Variants in MTMR10 observed in about 807,000 individuals in gnomAD.
MTMR10 encodes myotubularin-related protein 10.
Under a neutral mutation model 88.1 loss-of-function variants are expected in MTMR10, and 56 were observed. That is an observed-to-expected ratio of 0.64 (90% CI 0.51 to 0.79). The LOEUF (loss-of-function observed/expected upper bound fraction) is 0.79, where lower values mean the gene tolerates loss of function less well. Ranked by LOEUF, MTMR10 falls within the 30% of genes least tolerant of loss-of-function variation. The pLI is 0.00. For missense variants in MTMR10, 883 were observed against 924.7 expected (o/e 0.95, Z 0.58); for synonymous variants, 380 against 340.9 (o/e 1.11, Z -1.26).
At chr15:30,934,394 GT>G (rs533713457), downstream of MTMR10, among the ~76,000 whole-genome samples, 7 of 152,280 alleles carry the variant, frequency 4.6e-5, 1 homozygote, top group South Asian at 1.2e-3. Context: ...TTAATGGGGT[GT>G]TTGGAACATT....
rs2063073189 is a variant in MTMR10, at chr15:30,942,044, A to T, written c.1760T>A (p.Met587Lys). Reference protein sequence around the residue: ...KKSYSSTLRGMPSALKNGIIS... With the variant: ...KKSYSSTLRGKPSALKNGIIS... ...GATTCCATTCTTTAAGGCAGACGGCATTCCTCTTAGTGTGGAGCTGTAGCT... is the reference window on the plus strand; with the variant it reads ...GATTCCATTCTTTAAGGCAGACGGCTTTCCTCTTAGTGTGGAGCTGTAGCT... The change falls in exon 16 of 16, where the codon ATG becomes AAG. Residue 587 changes from methionine to lysine, a missense_variant. This residue lies in a region of MTMR10 where 343 missense variants were observed against 323.2 expected (regional missense o/e 1.06). Transcript: ENST00000435680. 1.2e-6 allele frequency: 2 copies of T among 1,613,966 alleles called. No individual in the cohort carries two copies. Among genetic ancestry groups the T allele is most frequent in the East Asian group, 4.5e-5 (2 of 44,890 alleles).
In MTMR10 at chr15:30,943,068, A is replaced by C. The variant is rs2063106108; in HGVS notation, c.1553T>G (p.Phe518Cys). Residue 518 changes from phenylalanine (F) to cysteine (C), a missense_variant, in exon 15 of 16, where the codon TTT becomes TGT. By Grantham distance (205) the Phe-to-Cys change is radical (BLOSUM62 -2). Around this residue, in one of 3 missense-constraint regions of MTMR10, gnomAD observed 343 missense variants for 323.2 expected, o/e 1.06. Transcript: ENST00000435680. ...CAATTGGATGTTTTTGCTTATAGCA[A>C]ATTCCTGCAAAATAAATAAATAAAT... ...PHQRVKQSTE[F>C]AISKNIQLGD... is the part of the protein sequence containing the mutation. The C allele has an allele frequency of 6.6e-7, 1 of 1,526,408 alleles. No homozygotes were observed. The highest frequency in any genetic ancestry group is 8.8e-7 in the Non-Finnish European group (1 of 1,140,304). 94.6% of individuals were successfully genotyped at this position (1,526,408 alleles called of 1,614,324 possible). A position where few individuals can be genotyped will look rare whatever the true frequency, so the allele number is the denominator to read the frequency against.
chr15:30,990,193 T>C (rs2141080497), intron 2 of MTMR10, among the ~76,000 whole-genome samples: 1 of 152,118 alleles, frequency 6.6e-6, no homozygotes, highest in African/African-American at 2.4e-5. Flanking sequence ...AGGTCGCAAC[T>C]AGGTGGTGGG....
At chr15:30,985,070 C>T (rs537919425) in intron 2 of MTMR10, among the ~76,000 whole-genome samples, 25 of 152,318 alleles carry the variant, frequency 1.6e-4, no homozygotes, top group African/African-American at 5.1e-4. Flanking sequence ...AATTCATTAT[C>T]GTTAGTCTTG....
At chr15:30,951,105 G>C (rs1215201145) in intron 12 of MTMR10, among the ~76,000 whole-genome samples, 1 of 152,208 alleles carries the variant, frequency 6.6e-6, no homozygotes, top group East Asian at 1.9e-4. Context: ...GTAGTTTTTA[G>C]TCTATTGAAC....
At position 30,939,713 on chromosome 15, in the gene MTMR10, T is replaced by C; in HGVS notation, c.*1757A>G. ...GGAAAAATGCTCAATCCAAAACATT[T>C]AGTAATAATAAAAAAGCAGCTAAAT... On this transcript the variant is annotated 3_prime_UTR_variant, in exon 16 of 16. Transcript: ENST00000435680. 8 of 974,966 alleles carry C rather than the reference T, an allele frequency of 8.2e-6. No individual in the cohort carries two copies. The highest frequency in any genetic ancestry group is 9.7e-6 in the Non-Finnish European group (8 of 820,564). 60.4% of individuals were successfully genotyped at this position (974,966 alleles called of 1,614,324 possible).
intron 2 of MTMR10, among the ~76,000 whole-genome samples, chr15:30,990,255 T>C (rs1001442507): frequency 5.9e-5 from 9 of 152,162 alleles, no homozygotes; most frequent in African/African-American, 1.9e-4. Context: ...TCTTTGTTGC[T>C]ATACACAGGA....
downstream of MTMR10, among the ~76,000 whole-genome samples, chr15:30,937,616 T>C (rs1039515940): frequency 1.3e-5 from 2 of 151,770 alleles, no homozygotes; most frequent in Admixed American, 1.3e-4. Flanking sequence ...CACGCCTGGC[T>C]AAATTTTGTA....
Position 30,939,547 on chromosome 15 carries a change from T to C in MTMR10, c.*1923A>G, listed in dbSNP as rs115233555. 1,025 of 969,790 alleles carry C rather than the reference T, an allele frequency of 1.1e-3. 11 individuals carry two copies. In the African/African-American group the frequency reaches 0.017, roughly 16 times the overall value. The allele number at this position is 969,790 out of a possible 1,614,324, so 60.1% of individuals were successfully genotyped here. The stretch of plus-strand genomic sequence containing the variant: ...CTGTCCAGCAAAAATAAAAGTATTT[T>C]ACATTTGATTATCATACAAAAATAT... On this transcript the variant is annotated 3_prime_UTR_variant, in exon 16 of 16. Transcript: ENST00000435680.
intron 2 of MTMR10, among the ~76,000 whole-genome samples, chr15:30,977,602 C>T (rs2030252040): frequency 6.6e-6 from 1 of 151,018 alleles, no homozygotes; most frequent in African/African-American, 2.5e-5. Flanking sequence ...GCTTGGTCAT[C>T]ATTAAACCTT....
At chr15:30,981,524 G>A (rs1357770673) in intron 2 of MTMR10, among the ~76,000 whole-genome samples, 1 of 152,186 alleles carries the variant, frequency 6.6e-6, no homozygotes, top group Non-Finnish European at 1.5e-5. Context: ...AAACCAAGAG[G>A]CATACTACAA....
At chr15:30,951,742 C>T (rs1385229668) in intron 12 of MTMR10, among the ~76,000 whole-genome samples, 4 of 152,140 alleles carry the variant, frequency 2.6e-5, no homozygotes, top group Admixed American at 6.5e-5. Context: ...TCAAGTGATC[C>T]GCCCGCCTCG....
rs1277112870 is a variant in MTMR10 at position 30,977,489 on chromosome 15, G to A, written c.122-534C>T. The stretch of plus-strand genomic sequence containing the variant: ...TTAGTAGGCAACAAAACCTTAAAAC[G>A]TAGTTTGAGTTAAAAGAAAAGATTA... On this transcript the variant is annotated intron_variant, in intron 2 of 15. Transcript: ENST00000435680. Among the ~76,000 whole-genome samples the A allele has an allele frequency of 6.6e-5, 10 of 152,118 alleles. No individual in the cohort carries two copies. In the South Asian group the frequency reaches 1.0e-3, roughly 16 times the overall value.
In MTMR10 at chr15:30,941,276, G is replaced by T; in HGVS notation, c.*194C>A. On this transcript the variant is annotated 3_prime_UTR_variant, in exon 16 of 16. Coordinates refer to ENST00000435680, the MANE Select transcript of MTMR10 (RefSeq NM_017762.3). ...GACCTGTAATGACAGAAAGAGGACAGGAACAAAATTTACATCTCTCTTAAA... is the reference window on the plus strand; with the variant it reads ...GACCTGTAATGACAGAAAGAGGACATGAACAAAATTTACATCTCTCTTAAA... The T allele has an allele frequency of 6.7e-7, 1 of 1,493,428 alleles. No individual in the cohort carries two copies. Among genetic ancestry groups the T allele is most frequent in the Non-Finnish European group, 8.9e-7 (1 of 1,120,830 alleles). The allele number at this position is 1,493,428 out of a possible 1,614,324, so 92.5% of individuals were successfully genotyped here.
downstream of MTMR10, among the ~76,000 whole-genome samples, chr15:30,934,557 AT>A (rs1426551920): frequency 6.6e-6 from 1 of 151,460 alleles, no homozygotes; most frequent in African/African-American, 2.4e-5. Flanking sequence ...TGGTTTTTGT[AT>A]TTTTTAGAGA....
chr15:30,986,578 A>T (rs548799254), intron 2 of MTMR10, among the ~76,000 whole-genome samples: 3 of 152,246 alleles, frequency 2.0e-5, no homozygotes, highest in Admixed American at 2.0e-4. Context: ...TATCTATTCC[A>T]AGTAAGTTAG....
chr15:30,990,786 G>T lies in MTMR10; in HGVS notation c.112C>A (p.Leu38Ile), dbSNP rs2031263996. The T allele has an allele frequency of 3.1e-6, 5 of 1,609,818 alleles. No individual in the cohort carries two copies. In the South Asian group the frequency reaches 5.6e-5, roughly 18 times the overall value. Residue 38 changes from leucine to isoleucine, a missense_variant, in exon 2 of 16, where the codon CTT becomes ATT. By Grantham distance (5) the Leu-to-Ile change is conservative. Transcript: ENST00000435680. ...CCTAACTAATGTTTACCTGGCAAAA[G>T]GACTGGCTCCAGTTTTTTAATCTTC... Reference protein sequence around the residue: ...EPKIKKLEPVLLPGEIVVNEV... With the variant: ...EPKIKKLEPVILPGEIVVNEV...
Position 30,941,625 on chromosome 15 carries a change from C to G in MTMR10, c.2179G>C (p.Asp727His). ...YFNASGPHHT[D>H]TSGTPEFLSS... ...AGAAACTCCGGTGTCCCCGAGGTGT[C>G]GGTGTGGTGAGGGCCGCTGGCGTTG... The change falls in exon 16 of 16, where the codon GAC (aspartate) becomes CAC (histidine). Residue 727 changes from aspartate to histidine, a missense_variant. Asp to His is a moderately conservative substitution (Grantham distance 81). Around this residue, in one of 3 missense-constraint regions of MTMR10, gnomAD observed 343 missense variants for 323.2 expected, o/e 1.06. Coordinates refer to ENST00000435680, the MANE Select transcript of MTMR10 (RefSeq NM_017762.3). 2 of 1,605,476 alleles carry G rather than the reference C, an allele frequency of 1.2e-6. No homozygotes were observed. Among genetic ancestry groups the G allele is most frequent in the Non-Finnish European group, 1.7e-6 (2 of 1,175,802 alleles).
chr15:30,950,254 C>T (rs990375729), intron 12 of MTMR10: 2 of 139,218 alleles, frequency 1.4e-5, no homozygotes, highest in African/African-American at 2.5e-5. Context: ...GTTAAACACA[C>T]ACTCTGACTG....
Sources: gnomAD v4.1 joint callset for allele counts (sites outside exome capture counted in the v4.1 genomes callset) on GRCh38, gnomAD v4.1.1 for gene constraint, gnomAD v4.1.1 regional missense constraint, MANE v1.5 for transcripts, NCBI Gene and HGNC (gene_info 2026-07-23, HGNC 2026-07-21) for gene names.